RBFOX1: variants seen among roughly 807,000 people sequenced by gnomAD.
RBFOX1 encodes the protein RNA binding fox-1 homolog 1.
Under a neutral mutation model 57.7 loss-of-function variants are expected in RBFOX1, and 8 were observed. That is an observed-to-expected ratio of 0.14 (90% CI 0.08 to 0.25). The LOEUF is 0.25. Ranked by LOEUF, RBFOX1 falls within the 10% of genes least tolerant of loss-of-function variation. The pLI, the probability that RBFOX1 is intolerant of heterozygous loss-of-function variation, is 1.00. For synonymous variants in RBFOX1, 326 were observed against 222.4 expected, an observed-to-expected ratio of 1.47 and a Z score of -4.15; for missense variants, 611 against 548.5, an observed-to-expected ratio of 1.11 and a Z score of -1.14.
chr16:6,665,266 C>A (rs1471692330), intron 3 of RBFOX1, among the ~76,000 whole-genome samples: 1 of 152,110 alleles, frequency 6.6e-6, no homozygotes, highest in South Asian at 2.1e-4. Flanking sequence ...TGTCTTCCCT[C>A]AGCCACCCCA....
At chr16:6,994,100 A>C (rs1262522939) in intron 3 of RBFOX1, among the ~76,000 whole-genome samples, 1 of 152,138 alleles carries the variant, frequency 6.6e-6, no homozygotes, top group African/African-American at 2.4e-5. Flanking sequence ...ACATCTGTTG[A>C]AATGATATCT....
At chr16:6,873,270 T>C (rs1160989290) in intron 3 of RBFOX1, among the ~76,000 whole-genome samples, 2 of 152,322 alleles carry the variant, frequency 1.3e-5, no homozygotes, top group South Asian at 2.1e-4. Flanking sequence ...ACATTAGTTA[T>C]CTTGGTCCCA....
At chr16:7,319,716 A>G (rs568246811) in intron 4 of RBFOX1, among the ~76,000 whole-genome samples, 2 of 152,272 alleles carry the variant, frequency 1.3e-5, no homozygotes, top group South Asian at 2.1e-4. Context: ...AATTACATCA[A>G]CATCCTTGGT....
chr16:6,860,298 A>G (rs929314143), intron 3 of RBFOX1, among the ~76,000 whole-genome samples: 26 of 152,308 alleles, frequency 1.7e-4, no homozygotes, highest in Middle Eastern at 3.4e-3. Context: ...CTGATGACTA[A>G]ATGTTCTCAG....
At chr16:6,623,110 G>A (rs920150308) in intron 2 of RBFOX1, among the ~76,000 whole-genome samples, 4 of 152,084 alleles carry the variant, frequency 2.6e-5, no homozygotes, top group African/African-American at 7.3e-5. Flanking sequence ...TTATGGAAAC[G>A]GGAAACATAT....
intron 4 of RBFOX1, among the ~76,000 whole-genome samples, chr16:7,054,526 C>T (rs1352374084): frequency 3.2e-5 from 4 of 125,496 alleles, no homozygotes; most frequent in East Asian, 2.6e-4. Context: ...CAGGTGTGAG[C>T]CACTGCGCCA....
chr16:5,864,045 C>T (rs902583384), intron 3 of RBFOX1, among the ~76,000 whole-genome samples: 1 of 152,110 alleles, frequency 6.6e-6, no homozygotes, highest in African/African-American at 2.4e-5. Context: ...GTGATCCTCC[C>T]CCTCCTTTCA....
chr16:5,796,199 C>G (rs533133860), intron 3 of RBFOX1, among the ~76,000 whole-genome samples: 10 of 152,296 alleles, frequency 6.6e-5, no homozygotes, highest in African/African-American at 2.4e-4. Flanking sequence ...TGGATCCACC[C>G]ACTTCTGAGG....
intron 2 of RBFOX1, among the ~76,000 whole-genome samples, chr16:6,497,669 G>T (rs939547737): frequency 3.3e-5 from 5 of 151,920 alleles, no homozygotes; most frequent in African/African-American, 4.8e-5. Context: ...TGATTGTCCT[G>T]CCTCAGCCTC....
intron 1 of RBFOX1, among the ~76,000 whole-genome samples, chr16:6,230,435 A>C (rs1417967829): frequency 6.6e-6 from 1 of 152,158 alleles, no homozygotes; most frequent in African/African-American, 2.4e-5. Context: ...GAGTGCTCAG[A>C]ATGGAAGGTC....
chr16:7,231,306 C>A (rs1262596464), intron 4 of RBFOX1, among the ~76,000 whole-genome samples: 1 of 152,070 alleles, frequency 6.6e-6, no homozygotes, highest in African/African-American at 2.4e-5. Flanking sequence ...ATCCTTAAAC[C>A]AATCAGAATG....
At chr16:6,285,940 A>G (rs1326119332) in intron 1 of RBFOX1, among the ~76,000 whole-genome samples, 2 of 152,214 alleles carry the variant, frequency 1.3e-5, no homozygotes, top group African/African-American at 4.8e-5. Flanking sequence ...TTCTTGTGTA[A>G]AAGTGGGATA....
chr16:7,396,328 G>A (rs757557766), intron 4 of RBFOX1, among the ~76,000 whole-genome samples: 8 of 152,016 alleles, frequency 5.3e-5, no homozygotes, highest in Non-Finnish European at 7.4e-5. Context: ...AGTGTAAACG[G>A]GCATACCTCA....
intron 4 of RBFOX1, among the ~76,000 whole-genome samples, chr16:7,182,563 C>G (rs1042829918): frequency 6.6e-6 from 1 of 152,154 alleles, no homozygotes; most frequent in Admixed American, 6.6e-5. Context: ...CTAATACATC[C>G]TGTTGCAAAG....
At chr16:7,229,267 C>T (rs2093338912) in intron 4 of RBFOX1, among the ~76,000 whole-genome samples, 1 of 152,174 alleles carries the variant, frequency 6.6e-6, no homozygotes, top group South Asian at 2.1e-4. Flanking sequence ...TTTATGAAGG[C>T]ATACTTTTTC....
At chr16:5,991,641 GA>G (rs1567229382) in intron 4 of RBFOX1, among the ~76,000 whole-genome samples, 7 of 137,338 alleles carry the variant, frequency 5.1e-5, no homozygotes, top group Non-Finnish European at 1.1e-4. Flanking sequence ...GAAATTATTA[GA>G]TAGTTTTTTT....
Position 6,718,356 on chromosome 16 carries a change from G to A in RBFOX1, c.-16+63706G>A, listed in dbSNP as rs77194923. On this transcript the variant is annotated intron_variant, in intron 3 of 15. Transcript: ENST00000550418. ...ACAACTTGTATATTTTAGTGGGAGA[G>A]ATAGATGATAAGGAAGTAACTCTAG... 1.6e-3 allele frequency among the ~76,000 whole-genome samples: 248 copies of A among 152,282 alleles called. 4 individuals carry two copies. The East Asian group carries it at 0.029, about 18-fold the overall frequency.
intron 4 of RBFOX1, among the ~76,000 whole-genome samples, chr16:7,222,802 A>G (rs2092826142): frequency 6.6e-6 from 1 of 152,088 alleles, no homozygotes; most frequent in African/African-American, 2.4e-5. Context: ...ACTATCAGGT[A>G]CTCTTCTGGG....
chr16:6,828,468 C>A (rs2092408155), intron 3 of RBFOX1, among the ~76,000 whole-genome samples: 1 of 151,568 alleles, frequency 6.6e-6, no homozygotes, highest in Admixed American at 6.6e-5. Context: ...AGGTTGCAGT[C>A]AGTCGACATC....
Sources: gnomAD v4.1 joint callset for allele counts (sites outside exome capture counted in the v4.1 genomes callset) on GRCh38, gnomAD v4.1.1 for gene constraint, MANE v1.5 for transcripts, NCBI Gene and HGNC (gene_info 2026-07-23, HGNC 2026-07-21) for gene names.